TMEM232: variants seen among roughly 807,000 people sequenced by gnomAD.
TMEM232 encodes transmembrane protein 232.
Under a neutral mutation model 78.8 loss-of-function variants are expected in TMEM232, and 80 were observed. That is an observed-to-expected ratio of 1.01 (90% CI 0.85 to 1.22). The LOEUF (loss-of-function observed/expected upper bound fraction) is 1.22, where lower values mean the gene tolerates loss of function less well. Ranked by LOEUF, TMEM232 falls within the 50% of genes most tolerant of loss-of-function variation. The pLI, the probability that TMEM232 is intolerant of heterozygous loss-of-function variation, is 0.00. For missense variants in TMEM232, 881 were observed against 742.2 expected, an observed-to-expected ratio of 1.19 and a Z score of -2.17; for synonymous variants, 297 against 254.3, an observed-to-expected ratio of 1.17 and a Z score of -1.60.
At chr5:110,613,217 T>A (rs780458971) in intron 8 of TMEM232, among the ~76,000 whole-genome samples, 28 of 152,158 alleles carry the variant, frequency 1.8e-4, no homozygotes, top group Non-Finnish European at 4.1e-4. Context: ...TTTTCCAAGC[T>A]CAGCTGAAAC....
intron 12 of TMEM232, among the ~76,000 whole-genome samples, chr5:110,474,916 A>T (rs141438669): frequency 7.2e-5 from 11 of 152,136 alleles, no homozygotes; most frequent in Non-Finnish European, 1.2e-4. Context: ...CATAGACCAA[A>T]AGATACATAT....
intron 11 of TMEM232, among the ~76,000 whole-genome samples, chr5:110,559,456 T>TTA (rs1283827538): frequency 6.6e-6 from 1 of 152,134 alleles, no homozygotes; most frequent in Non-Finnish European, 1.5e-5. Context: ...CTGGTTTATT[T>TTA]TATATATATA....
chr5:110,513,331 C>T (rs1176209582), intron 12 of TMEM232, among the ~76,000 whole-genome samples: 1 of 152,030 alleles, frequency 6.6e-6, no homozygotes, highest in East Asian at 1.9e-4. Context: ...GTCAAGGAAA[C>T]AATCAACAGA....
chr5:110,738,252 T>C (rs1799415610), upstream of TMEM232: 2 of 1,286,706 alleles, frequency 1.6e-6, no homozygotes, highest in Non-Finnish European at 2.0e-6. Context: ...AAACAGGTAG[T>C]AGGGGACGCT....
chr5:110,659,205 T>G (rs1439807397), intron 2 of TMEM232, among the ~76,000 whole-genome samples: 1 of 152,160 alleles, frequency 6.6e-6, no homozygotes, highest in African/African-American at 2.4e-5. Context: ...ATAATTGTAG[T>G]GTAGTTTCCT....
chr5:110,636,948 A>C, intron 5 of TMEM232, among the ~76,000 whole-genome samples: 1 of 151,866 alleles, frequency 6.6e-6, no homozygotes, highest in East Asian at 1.9e-4. Flanking sequence ...TTTTGTAGCT[A>C]TTTTTTTCTT....
chr5:110,595,939 C>A (rs1260775417), intron 10 of TMEM232, among the ~76,000 whole-genome samples: 1 of 152,106 alleles, frequency 6.6e-6, no homozygotes, highest in East Asian at 1.9e-4. Flanking sequence ...CACTAAGATA[C>A]TCCTCGAGAA....
chr5:110,610,126 A>G (rs1782003921), intron 8 of TMEM232, among the ~76,000 whole-genome samples: 1 of 150,048 alleles, frequency 6.7e-6, no homozygotes, highest in East Asian at 1.9e-4. Flanking sequence ...GAAATAACAG[A>G]GAAAAGTCTT....
At chr5:110,449,773 C>T (rs528512674) in intron 12 of TMEM232, among the ~76,000 whole-genome samples, 2 of 152,200 alleles carry the variant, frequency 1.3e-5, no homozygotes, top group African/African-American at 4.8e-5. Flanking sequence ...CAGATGCATG[C>T]CTTCCAAAAG....
intron 11 of TMEM232, among the ~76,000 whole-genome samples, chr5:110,529,459 C>T (rs556447176): frequency 6.6e-6 from 1 of 152,056 alleles, no homozygotes; most frequent in Non-Finnish European, 1.5e-5. Context: ...GTTGGACAGG[C>T]TGGTCTTGAA....
chr5:110,710,537 T>C (rs1796366575), intron 1 of TMEM232, among the ~76,000 whole-genome samples: 1 of 152,142 alleles, frequency 6.6e-6, no homozygotes, highest in African/African-American at 2.4e-5. Context: ...ATTAGAAAGA[T>C]TATTCATCAT....
At chr5:110,400,649 C>A (rs1030770028) in intron 2 of TMEM232, among the ~76,000 whole-genome samples, 1 of 151,900 alleles carries the variant, frequency 6.6e-6, no homozygotes, top group Non-Finnish European at 1.5e-5. Context: ...ATTGTAAATG[C>A]AGATATGTAG....
At chr5:110,629,947 T>C (rs1407915915) in intron 5 of TMEM232, among the ~76,000 whole-genome samples, 1 of 152,222 alleles carries the variant, frequency 6.6e-6, no homozygotes, top group African/African-American at 2.4e-5. Flanking sequence ...TTTCTGGATC[T>C]ATTCAACCCT....
At chr5:110,459,429 T>C (rs968967835) in intron 12 of TMEM232, among the ~76,000 whole-genome samples, 1 of 152,144 alleles carries the variant, frequency 6.6e-6, no homozygotes, top group Non-Finnish European at 1.5e-5. Context: ...ATAAGTCCTG[T>C]TTTTTATCTT....
At chr5:110,735,631 G>C (rs1799076333) in intron 1 of TMEM232, among the ~76,000 whole-genome samples, 1 of 152,106 alleles carries the variant, frequency 6.6e-6, no homozygotes, top group South Asian at 2.1e-4. Context: ...TTTAAGTGCA[G>C]GGTTGGACTT....
At chr5:110,417,618 C>CTTTTTTTTTT (rs1181888424), downstream of TMEM232, 4 of 119,288 alleles carry the variant, frequency 3.4e-5, no homozygotes, top group African/African-American at 6.0e-5. Flanking sequence ...TTTTCTTTTT[C>CTTTTTTTTTT]TTTTTTTTTT....
chr5:110,604,712 A>C (rs1224867111), intron 10 of TMEM232, among the ~76,000 whole-genome samples: 1 of 152,174 alleles, frequency 6.6e-6, no homozygotes, highest in Non-Finnish European at 1.5e-5. Flanking sequence ...CAATCCCAGC[A>C]CTTTGGAAGG....
At chr5:110,616,416 A>G (rs866952883) in intron 8 of TMEM232, among the ~76,000 whole-genome samples, 7 of 152,072 alleles carry the variant, frequency 4.6e-5, no homozygotes, top group Admixed American at 4.6e-4. Context: ...AGTTAACTCA[A>G]AATGGATTAA....
intron 11 of TMEM232, among the ~76,000 whole-genome samples, chr5:110,531,183 T>C (rs564608522): frequency 1.7e-3 from 257 of 151,682 alleles, no homozygotes; most frequent in African/African-American, 5.8e-3. Flanking sequence ...CCCTTTTTCC[T>C]TTACCTACCC....
Sources: allele counts gnomAD v4.1 joint callset (sites outside exome capture counted in the v4.1 genomes callset), GRCh38; gene constraint gnomAD v4.1.1; transcripts MANE v1.5; gene names NCBI Gene and HGNC (gene_info 2026-07-23, HGNC 2026-07-21).